FHL2: variants seen among roughly 807,000 people sequenced by gnomAD.
The protein encoded by FHL2 is four and a half LIM domains 2.
In FHL2, 20 loss-of-function variants were observed where a neutral mutation model predicts 32.7. The observed-to-expected ratio is 0.61, with a 90% CI of 0.43 to 0.89. The LOEUF (loss-of-function observed/expected upper bound fraction) is 0.89. FHL2 is among the 40% of genes least tolerant of loss of function. The probability of loss-of-function intolerance (pLI) is 0.00; values close to 1 mark genes in which losing one functional copy is unlikely to be tolerated. For synonymous variants in FHL2, 123 were observed against 128.1 expected (o/e 0.96, Z 0.27); for missense variants, 311 against 358.6 (o/e 0.87, Z 1.07).
intron 5 of FHL2, among the ~76,000 whole-genome samples, chr2:105,363,821 G>A (rs994270182): frequency 7.9e-5 from 12 of 152,196 alleles, no homozygotes; most frequent in Admixed American, 6.5e-4. Context: ...CAGCATCAAG[G>A]AGACCTGGGT....
At chr2:105,395,367 T>C (rs1044962444) in intron 2 of FHL2, among the ~76,000 whole-genome samples, 9 of 152,158 alleles carry the variant, frequency 5.9e-5, no homozygotes, top group African/African-American at 2.2e-4. Flanking sequence ...CTTCTACACC[T>C]ACAAAACGAA....
chr2:105,384,506 G>GT (rs200852372), intron 3 of FHL2, among the ~76,000 whole-genome samples: 17 of 151,802 alleles, frequency 1.1e-4, no homozygotes, highest in East Asian at 3.9e-4. Flanking sequence ...GTTCTCCCCA[G>GT]TTTTTTTTGG....
At chr2:105,424,933 A>G (rs1008309409) in intron 1 of FHL2, among the ~76,000 whole-genome samples, 1 of 151,982 alleles carries the variant, frequency 6.6e-6, no homozygotes, top group Non-Finnish European at 1.5e-5. Context: ...TGATGGATTG[A>G]TGGTTGCAGC....
chr2:105,399,191 C>CG (rs1683362983), upstream of FHL2: 5 of 1,423,614 alleles, frequency 3.5e-6, no homozygotes, highest in Non-Finnish European at 4.5e-6. Flanking sequence ...GCCGTGCCCC[C>CG]GCCCCGGGCT....
At chr2:105,376,403 A>G (rs181213128) in intron 3 of FHL2, 1 of 152,348 alleles carries the variant, frequency 6.6e-6, no homozygotes, top group Admixed American at 6.5e-5. Context: ...ACTTTCTAGA[A>G]CATATTTTGT....
At chr2:105,369,797 T>C (rs1045241253) in intron 4 of FHL2, among the ~76,000 whole-genome samples, 6 of 152,332 alleles carry the variant, frequency 3.9e-5, no homozygotes, top group Admixed American at 3.9e-4. Flanking sequence ...ATTATGACTC[T>C]CATGGCATTC....
intron 1 of FHL2, among the ~76,000 whole-genome samples, chr2:105,409,408 A>T (rs2104653349): frequency 6.6e-6 from 1 of 152,304 alleles, no homozygotes; most frequent in Non-Finnish European, 1.5e-5. Context: ...GGCTGTGGCT[A>T]TTCTAAGTAG....
At chr2:105,386,638 G>T in intron 2 of FHL2, 98 bp from the exon 3 acceptor site, 1 of 1,008,002 alleles carries the variant, frequency 9.9e-7, no homozygotes, top group Non-Finnish European at 1.5e-6. Flanking sequence ...ATCTTTAGCC[G>T]AAAGGTGGCT....
intron 1 of FHL2, among the ~76,000 whole-genome samples, chr2:105,409,270 G>A (rs1373750028): frequency 6.6e-6 from 1 of 152,192 alleles, no homozygotes; most frequent in Non-Finnish European, 1.5e-5. Flanking sequence ...GCACTTGGCA[G>A]CTGTGCAATT....
At chr2:105,404,998 T>C (rs1419288783) in intron 1 of FHL2, among the ~76,000 whole-genome samples, 2 of 152,112 alleles carry the variant, frequency 1.3e-5, no homozygotes, top group African/African-American at 4.8e-5. Flanking sequence ...TTGATACCTC[T>C]TTAAGAAAGA....
At chr2:105,386,201 A>G in intron 3 of FHL2, 160 bp downstream of exon 3, 2 of 696,898 alleles carry the variant, frequency 2.9e-6, no homozygotes, top group Non-Finnish European at 4.6e-6. Flanking sequence ...CATTCGCTAG[A>G]GGGAAGAAGC....
Position 105,367,735 on chromosome 2 carries a change from G to A in FHL2, c.336C>T (p.Thr112=), listed in dbSNP as rs140501334. ...QECKKTIMPG[T]RKMEYKGSSW... ...TGCTGCCCTTGTACTCCATCTTGCGGGTACCTGTCATCAGGGTCAAGAGGA... is the reference window on the plus strand; with the variant it reads ...TGCTGCCCTTGTACTCCATCTTGCGAGTACCTGTCATCAGGGTCAAGAGGA... The change falls in exon 5 of 7, where the codon ACC becomes ACT. Residue 112 remains threonine, a synonymous_variant. Transcript: ENST00000530340. The A allele has an allele frequency of 3.7e-6, 6 of 1,613,350 alleles. No individual in the cohort carries two copies. In the African/African-American group the frequency reaches 6.7e-5, roughly 18 times the overall value.
chr2:105,378,317 A>G (rs1681623843), intron 3 of FHL2: 1 of 399,042 alleles, frequency 2.5e-6, no homozygotes, highest in Non-Finnish European at 5.2e-6. Flanking sequence ...GCATCCATGC[A>G]AGACTTGGAG....
At chr2:105,404,447 A>G (rs1366159743) in intron 1 of FHL2, among the ~76,000 whole-genome samples, 1 of 152,188 alleles carries the variant, frequency 6.6e-6, no homozygotes, top group Non-Finnish European at 1.5e-5. Flanking sequence ...ATGACACAGT[A>G]CCAGATCCCA....
upstream of FHL2, chr2:105,399,175 G>C: frequency 3.6e-6 from 5 of 1,393,586 alleles, no homozygotes; most frequent in Non-Finnish European, 4.6e-6. Flanking sequence ...CCCAGGCCTC[G>C]CGGTTGCCGT....
intron 1 of FHL2, among the ~76,000 whole-genome samples, chr2:105,424,650 G>A (rs939947145): frequency 1.3e-5 from 2 of 152,178 alleles, no homozygotes; most frequent in Non-Finnish European, 2.9e-5. Flanking sequence ...ATGATAGACT[G>A]GGTAAAGAAA....
At chr2:105,395,256 G>A (rs976326221) in intron 2 of FHL2, among the ~76,000 whole-genome samples, 1 of 152,228 alleles carries the variant, frequency 6.6e-6, no homozygotes, top group African/African-American at 2.4e-5. Flanking sequence ...TAGAATGGCG[G>A]GTGGCCTCGG....
chr2:105,421,539 TG>T (rs1432521154), intron 1 of FHL2, among the ~76,000 whole-genome samples: 4 of 152,136 alleles, frequency 2.6e-5, no homozygotes, highest in African/African-American at 7.2e-5. Flanking sequence ...GCCCATTTTT[TG>T]TTGTTGTTGT....
At chr2:105,411,425 C>T (rs942928314) in intron 1 of FHL2, among the ~76,000 whole-genome samples, 10 of 151,474 alleles carry the variant, frequency 6.6e-5, no homozygotes, top group Admixed American at 5.9e-4. Context: ...TTTTCAAGCA[C>T]AGCTTGATAA....
Sources: gnomAD v4.1 joint callset for allele counts (sites outside exome capture counted in the v4.1 genomes callset) on GRCh38, gnomAD v4.1.1 for gene constraint, MANE v1.5 for transcripts, NCBI Gene and HGNC (gene_info 2026-07-23, HGNC 2026-07-21) for gene names.